Variants in CSMD1 observed in about 807,000 individuals in gnomAD.
CSMD1 encodes CUB and sushi domain-containing protein 1.
CSMD1 carries 213 observed loss-of-function variants against 417.5 expected under a neutral mutation model. The ratio of observed to expected loss-of-function variants is 0.51; its 90% CI spans 0.46 to 0.57. The LOEUF (loss-of-function observed/expected upper bound fraction) is 0.57, where lower values mean the gene tolerates loss of function less well. Ranked by LOEUF, CSMD1 falls within the 20% of genes least tolerant of loss-of-function variation. CSMD1 has a pLI of 0.00. For synonymous variants in CSMD1, 2,862 were observed against 1,736.8 expected (o/e 1.65, Z -16.11); for missense variants, 6,923 against 4,529.7 (o/e 1.53, Z -15.17).
At chr8:4,775,937 C>T (rs1033286137) in intron 1 of CSMD1, among the ~76,000 whole-genome samples, 1 of 152,172 alleles carries the variant, frequency 6.6e-6, no homozygotes, top group Admixed American at 6.5e-5. Flanking sequence ...CTGAATTAGT[C>T]AAGGCAGTTG....
At chr8:4,252,607 A>G (rs1803154995) in intron 3 of CSMD1, among the ~76,000 whole-genome samples, 1 of 152,244 alleles carries the variant, frequency 6.6e-6, no homozygotes, top group Non-Finnish European at 1.5e-5. Context: ...ATCTTCATTC[A>G]TTATAGAACC....
intron 51 of CSMD1, among the ~76,000 whole-genome samples, chr8:3,026,187 G>A (rs1411100831): frequency 2.6e-5 from 4 of 152,200 alleles, no homozygotes; most frequent in African/African-American, 9.6e-5. Flanking sequence ...ACTCAGGAGA[G>A]GGCCTGGTGG....
intron 3 of CSMD1, among the ~76,000 whole-genome samples, chr8:4,321,781 A>AT (rs983911717): frequency 2.0e-5 from 3 of 151,904 alleles, no homozygotes; most frequent in African/African-American, 7.2e-5. Flanking sequence ...AAAATTTACA[A>AT]TTTTTTTTCT....
intron 1 of CSMD1, among the ~76,000 whole-genome samples, chr8:4,741,787 G>A (rs1185235397): frequency 1.3e-5 from 2 of 152,068 alleles, no homozygotes; most frequent in African/African-American, 2.4e-5. Flanking sequence ...ATGCAAATCT[G>A]CTTCTAAACA....
intron 2 of CSMD1, among the ~76,000 whole-genome samples, chr8:4,428,703 A>C (rs1797701276): frequency 6.6e-6 from 1 of 151,950 alleles, no homozygotes; most frequent in Admixed American, 6.6e-5. Flanking sequence ...TTCATTTTAA[A>C]TTTGGTTATT....
chr8:4,559,234 G>T (rs568067172), intron 2 of CSMD1, among the ~76,000 whole-genome samples: 111 of 144,476 alleles, frequency 7.7e-4, no homozygotes, highest in African/African-American at 3.1e-3. Context: ...AACTTAAAAT[G>T]TTGGATAAAC....
chr8:3,514,803 C>G (rs1797219773), intron 10 of CSMD1, among the ~76,000 whole-genome samples: 1 of 152,074 alleles, frequency 6.6e-6, no homozygotes, highest in Non-Finnish European at 1.5e-5. Context: ...CTGTAACTTA[C>G]AGTGGGTACC....
intron 5 of CSMD1, among the ~76,000 whole-genome samples, chr8:3,947,517 T>C (rs1811313207): frequency 6.6e-6 from 1 of 152,220 alleles, no homozygotes; most frequent in Admixed American, 6.5e-5. Flanking sequence ...ATTTGGAAAT[T>C]AAACAACACT....
chr8:4,893,028 T>C (rs1804228016), intron 1 of CSMD1, among the ~76,000 whole-genome samples: 1 of 152,152 alleles, frequency 6.6e-6, no homozygotes, highest in South Asian at 2.1e-4. Flanking sequence ...ATTTGCATGG[T>C]CAATGTCAAA....
chr8:2,975,529 A>G (rs1804839404), intron 55 of CSMD1, among the ~76,000 whole-genome samples: 1 of 152,204 alleles, frequency 6.6e-6, no homozygotes, highest in Admixed American at 6.5e-5. Flanking sequence ...AGCCATGGCC[A>G]TCCCCTGAGT....
intron 7 of CSMD1, among the ~76,000 whole-genome samples, chr8:3,699,895 G>A (rs1315818146): frequency 7.6e-6 from 1 of 130,866 alleles, no homozygotes; most frequent in Non-Finnish European, 1.7e-5. Context: ...ACATCCCTGG[G>A]TTATATCCCA....
chr8:3,362,705 G>A (rs911258183), intron 20 of CSMD1, among the ~76,000 whole-genome samples: 3 of 152,098 alleles, frequency 2.0e-5, no homozygotes, highest in South Asian at 2.1e-4. Flanking sequence ...TCCCAAACCT[G>A]CTTTGCTTCC....
At chr8:3,062,214 G>C (rs777429048) in intron 49 of CSMD1, among the ~76,000 whole-genome samples, 6 of 151,522 alleles carry the variant, frequency 4.0e-5, no homozygotes, top group Non-Finnish European at 8.8e-5. Flanking sequence ...GAATAATTAG[G>C]CACCAAGAAA....
chr8:3,276,552 C>T (rs1802306977), intron 26 of CSMD1, among the ~76,000 whole-genome samples: 1 of 152,160 alleles, frequency 6.6e-6, no homozygotes, highest in South Asian at 2.1e-4. Flanking sequence ...GACCTGCTCC[C>T]ATGATTCGAT....
At chr8:4,900,212 G>C (rs957368234) in intron 1 of CSMD1, among the ~76,000 whole-genome samples, 1 of 151,982 alleles carries the variant, frequency 6.6e-6, no homozygotes, top group Non-Finnish European at 1.5e-5. Context: ...ACACGGGTTG[G>C]GTGCCTCTAT....
intron 26 of CSMD1, among the ~76,000 whole-genome samples, chr8:3,241,027 A>G (rs1257987844): frequency 6.7e-6 from 1 of 149,474 alleles, no homozygotes; most frequent in Non-Finnish European, 1.5e-5. Context: ...ATCGGTCACC[A>G]AGGAGGGAGT....
intron 7 of CSMD1, among the ~76,000 whole-genome samples, chr8:3,675,266 T>G (rs1319553478): frequency 6.6e-6 from 1 of 152,174 alleles, no homozygotes; most frequent in Non-Finnish European, 1.5e-5. Context: ...GGCATGTGCG[T>G]GCCATTCCCC....
intron 7 of CSMD1, among the ~76,000 whole-genome samples, chr8:3,691,138 A>G (rs1181764544): frequency 1.3e-5 from 2 of 152,068 alleles, no homozygotes; most frequent in Non-Finnish European, 1.5e-5. Flanking sequence ...AGGCCGGGGC[A>G]GGCGGATCAC....
intron 26 of CSMD1, among the ~76,000 whole-genome samples, chr8:3,233,429 G>C (rs1284744683): frequency 2.0e-5 from 3 of 152,194 alleles, no homozygotes; most frequent in Non-Finnish European, 4.4e-5. Flanking sequence ...TTCTCAGCCA[G>C]CATATTTGTG....
Sources: allele counts gnomAD v4.1 joint callset (sites outside exome capture counted in the v4.1 genomes callset), GRCh38; gene constraint gnomAD v4.1.1; transcripts MANE v1.5; gene names NCBI Gene and HGNC (gene_info 2026-07-23, HGNC 2026-07-21).